RAPH1: variants seen among roughly 807,000 people sequenced by gnomAD.
The protein encoded by RAPH1 is ras-associated and pleckstrin homology domains-containing protein 1.
In RAPH1, 18 loss-of-function variants were observed where a neutral mutation model predicts 88.1. The ratio of observed to expected loss-of-function variants is 0.20; its 90% CI spans 0.14 to 0.30. The LOEUF is 0.30. RAPH1 is among the 10% of genes least tolerant of loss of function. The pLI is 1.00. For synonymous variants in RAPH1, 587 were observed against 559.0 expected, an observed-to-expected ratio of 1.05 and a Z score of -0.71; for missense variants, 1,448 against 1,543.2, an observed-to-expected ratio of 0.94 and a Z score of 1.03.
chr2:203,507,515 A>G (rs2105910777), intron 1 of RAPH1, among the ~76,000 whole-genome samples: 1 of 152,324 alleles, frequency 6.6e-6, no homozygotes, highest in African/African-American at 2.4e-5. Flanking sequence ...ATCACTACAA[A>G]GGCAAACCAA....
At chr2:203,462,913 CTTT>C (rs2098525303) in intron 4 of RAPH1, among the ~76,000 whole-genome samples, 1 of 151,768 alleles carries the variant, frequency 6.6e-6, no homozygotes, top group Non-Finnish European at 1.5e-5. Flanking sequence ...AAAATAAAAA[CTTT>C]TTGGTTGGGC....
chr2:203,439,560 C>G lies in RAPH1; in HGVS notation c.3630G>C (p.Leu1210=), dbSNP rs562041771. The G allele has an allele frequency of 1.1e-5, 18 of 1,614,138 alleles. No homozygotes were observed. The South Asian group carries it at 1.6e-4, about 15-fold the overall frequency. Reference sequence around the variant, plus strand: ...CGTAACCAGCCTTCTGTTGATCAGACAGCAGTTCAGGGGGTGGTGGAGGCA... The same window carrying G: ...CGTAACCAGCCTTCTGTTGATCAGAGAGCAGTTCAGGGGGTGGTGGAGGCA... ...MALPPPPPEL[L]SDQQKAGYGG... The change falls in exon 14 of 14, where the codon CTG becomes CTC. Residue 1210 remains leucine, a synonymous_variant. Coordinates refer to ENST00000319170, the MANE Select transcript of RAPH1 (RefSeq NM_213589.3).
chr2:203,441,578 G>C (rs897366365), intron 13 of RAPH1, 165 bp from the exon 14 acceptor site: 46 of 1,361,312 alleles, frequency 3.4e-5, no homozygotes, highest in African/African-American at 6.0e-5. Context: ...ATGTCAGGAA[G>C]GCTAAAATCT....
intron 1 of RAPH1, among the ~76,000 whole-genome samples, chr2:203,505,647 A>G (rs538435064): frequency 6.6e-5 from 10 of 152,322 alleles, no homozygotes; most frequent in African/African-American, 2.4e-4. Flanking sequence ...GCCATAAAGC[A>G]TTATCTGAAA....
At chr2:203,501,806 A>C (rs1688748740) in intron 1 of RAPH1, among the ~76,000 whole-genome samples, 1 of 141,714 alleles carries the variant, frequency 7.1e-6, no homozygotes, top group Admixed American at 7.4e-5. Context: ...GCATCAAGCT[A>C]AGCATTATGA....
rs1357914879 is a variant in RAPH1 at position 203,435,559 on chromosome 2, G to GT, written c.*3877dup. The GT allele has an allele frequency of 6.6e-6, 1 of 151,752 alleles. No individual in the cohort carries two copies. Among genetic ancestry groups the GT allele is most frequent in the Non-Finnish European group, 1.5e-5 (1 of 67,972 alleles). 9.4% of individuals were successfully genotyped at this position (151,752 alleles called of 1,614,324 possible). A position where few individuals can be genotyped will look rare whatever the true frequency, so the allele number is the denominator to read the frequency against. On this transcript the variant is annotated 3_prime_UTR_variant, in exon 14 of 14. Coordinates refer to ENST00000319170, the MANE Select transcript of RAPH1 (RefSeq NM_213589.3). Reference sequence around the variant, plus strand: ...GTGAAAGTTACCTGCAATCTAAAGGGTTTTCTTCCCCTAGAAACAGTCACC... The same window carrying GT: ...GTGAAAGTTACCTGCAATCTAAAGGGTTTTTCTTCCCCTAGAAACAGTCACC...
At chr2:203,471,365 A>C (rs1447809446) in intron 4 of RAPH1, among the ~76,000 whole-genome samples, 3 of 152,226 alleles carry the variant, frequency 2.0e-5, no homozygotes, top group Non-Finnish European at 4.4e-5. Flanking sequence ...GGCCCCTAGC[A>C]CTTTGGGAGG....
intron 4 of RAPH1, among the ~76,000 whole-genome samples, chr2:203,469,038 G>A (rs1389850102): frequency 6.6e-6 from 1 of 152,216 alleles, no homozygotes; most frequent in African/African-American, 2.4e-5. Context: ...GATAATGTAG[G>A]TAAGTAGGCT....
At chr2:203,523,127 C>T (rs570384989) in intron 1 of RAPH1, among the ~76,000 whole-genome samples, 9 of 152,228 alleles carry the variant, frequency 5.9e-5, no homozygotes, top group Non-Finnish European at 1.2e-4. Context: ...GGGGCGGTGG[C>T]TCACGCCTGT....
At chr2:203,461,741 CT>C in intron 5 of RAPH1, 106 bp downstream of exon 5, 1 of 726,780 alleles carries the variant, frequency 1.4e-6, no homozygotes, top group East Asian at 2.8e-5. Flanking sequence ...AGAAATGCCC[CT>C]GTATCTCTCC....
intron 1 of RAPH1, among the ~76,000 whole-genome samples, chr2:203,506,898 A>ATTTTTTTTTTT (rs1243668890): frequency 1.1e-5 from 1 of 87,876 alleles, no homozygotes; most frequent in African/African-American, 6.4e-5. Flanking sequence ...ATATATATAT[A>ATTTTTTTTTTT]TTTTTTTTTT....
chr2:203,480,657 C>T (rs1335081432), intron 4 of RAPH1, among the ~76,000 whole-genome samples: 1 of 152,208 alleles, frequency 6.6e-6, no homozygotes, highest in Admixed American at 6.5e-5. Context: ...ACAAATAAAA[C>T]ACTTCCTTGT....
chr2:203,495,195 G>A, intron 2 of RAPH1, 39 bp downstream of exon 2: 1 of 1,611,084 alleles, frequency 6.2e-7, no homozygotes, highest in South Asian at 1.1e-5. Context: ...ACACAATGGT[G>A]ACTTCAAATC....
chr2:203,488,588 TAAAAAAA>T (rs750783858), intron 4 of RAPH1, among the ~76,000 whole-genome samples: 3 of 36,652 alleles, frequency 8.2e-5, no homozygotes, highest in Non-Finnish European at 1.4e-4. Flanking sequence ...CTCCGTCTAT[TAAAAAAA>T]AAAAAAAAAA....
chr2:203,504,950 C>G (rs963404935), intron 1 of RAPH1, among the ~76,000 whole-genome samples: 1 of 152,166 alleles, frequency 6.6e-6, no homozygotes, highest in African/African-American at 2.4e-5. Context: ...AGTTCCTCAT[C>G]TCCATCTGAG....
chr2:203,479,349 A>G (rs1687614661), intron 4 of RAPH1, among the ~76,000 whole-genome samples: 1 of 152,202 alleles, frequency 6.6e-6, no homozygotes, highest in Admixed American at 6.5e-5. Context: ...CACGCCTGTA[A>G]TCCCAGCCCT....
chr2:203,450,912 T>TTA (rs1553620418), intron 10 of RAPH1, among the ~76,000 whole-genome samples: 5 of 151,858 alleles, frequency 3.3e-5, no homozygotes, highest in African/African-American at 1.2e-4. Context: ...TTTTTTTTTT[T>TTA]AATCAAAACA....
At chr2:203,506,898 A>ATATATATTTTTTTT (rs1304485255) in intron 1 of RAPH1, among the ~76,000 whole-genome samples, 2 of 87,878 alleles carry the variant, frequency 2.3e-5, no homozygotes, top group African/African-American at 6.4e-5. Flanking sequence ...ATATATATAT[A>ATATATATTTTTTTT]TTTTTTTTTT....
chr2:203,532,119 A>G (rs951765750), intron 1 of RAPH1, among the ~76,000 whole-genome samples: 2 of 152,242 alleles, frequency 1.3e-5, no homozygotes, highest in African/African-American at 4.8e-5. Context: ...AGCCAGACAC[A>G]AGAATCAATA....
Sources: allele counts gnomAD v4.1 joint callset (sites outside exome capture counted in the v4.1 genomes callset), GRCh38; gene constraint gnomAD v4.1.1; transcripts MANE v1.5; gene names NCBI Gene and HGNC (gene_info 2026-07-23, HGNC 2026-07-21).